SLC36A4: variants seen among roughly 807,000 people sequenced by gnomAD.
SLC36A4 encodes solute carrier family 36 member 4.
A neutral mutation model predicts 50.5 loss-of-function variants in SLC36A4; 49 were observed. The ratio of observed to expected loss-of-function variants is 0.97; its 90% CI spans 0.77 to 1.23. The LOEUF (loss-of-function observed/expected upper bound fraction) is 1.23, where lower values mean the gene tolerates loss of function less well. Ranked by LOEUF, SLC36A4 falls within the 50% of genes most tolerant of loss-of-function variation. The probability of loss-of-function intolerance (pLI) is 0.00; values close to 1 mark genes in which losing one functional copy is unlikely to be tolerated. For synonymous variants in SLC36A4, 207 were observed against 206.5 expected, an observed-to-expected ratio of 1.00 and a Z score of -0.02; for missense variants, 611 against 608.4, an observed-to-expected ratio of 1.00 and a Z score of -0.05.
Position 93,147,475 on chromosome 11 carries a change from A to C in SLC36A4, c.*1062T>G, listed in dbSNP as rs959748809. 7 of 152,112 alleles carry C rather than the reference A, an allele frequency of 4.6e-5. No homozygotes were observed. Among genetic ancestry groups the C allele is most frequent in the African/African-American group, 1.7e-4 (7 of 41,440 alleles). 9.4% of individuals were successfully genotyped at this position (152,112 alleles called of 1,614,324 possible). ...CAAGCCACAAATAGTATAGCTAGAC[A>C]CACATCTTACTAGCCAGGAGTTTCA... On this transcript the variant is annotated 3_prime_UTR_variant, in exon 11 of 11. Transcript: ENST00000326402.
Position 93,197,905 on chromosome 11 carries a change from A to G in SLC36A4, c.-73T>C. ...CCGCTGCGTGGCCGGCGTCAGGCCC[A>G]GGCCTACCTCCCCTGCCCGGAGGGA... On this transcript the variant is annotated 5_prime_UTR_variant, in exon 1 of 11. Transcript: ENST00000326402. 4 of 1,430,414 alleles carry G rather than the reference A, an allele frequency of 2.8e-6. No individual in the cohort carries two copies. The highest frequency in any genetic ancestry group is 2.4e-4 in the Middle Eastern group (1 of 4,106). 88.6% of individuals were successfully genotyped at this position (1,430,414 alleles called of 1,614,324 possible). A position where few individuals can be genotyped will look rare whatever the true frequency, so the allele number is the denominator to read the frequency against.
In SLC36A4 at chr11:93,148,724, T is replaced by A. The variant is rs199667435; in HGVS notation, c.1328A>T (p.Glu443Val). The change falls in exon 11 of 11, where the codon GAA becomes GTA. Residue 443 changes from glutamate to valine, a missense_variant. Physicochemically the swap from Glu to Val is moderately radical, Grantham distance 121. Transcript: ENST00000326402. ...CAGGACCATCCATATATTATAATGT[T>A]CCTTCGAAAATGTAAGAATTTCAAC... ...PLVEILTFSK[E>V]HYNIWMVLKN... 21 of 1,612,964 alleles carry A rather than the reference T, an allele frequency of 1.3e-5. No individual in the cohort carries two copies. The East Asian group carries it at 4.7e-4, about 36-fold the overall frequency.
intron 7 of SLC36A4, chr11:93,166,222 C>T: frequency 1.5e-6 from 2 of 1,315,450 alleles, no homozygotes; most frequent in Non-Finnish European, 1.9e-6. Flanking sequence ...AATTGTTTCC[C>T]TCATGCCCAT....
chr11:93,162,954 G>T, intron 8 of SLC36A4, 79 bp from the exon 9 acceptor site: 1 of 1,374,902 alleles, frequency 7.3e-7, no homozygotes. Context: ...CATACAAATT[G>T]GTTGTTTATA....
At chr11:93,162,247 T>A (rs1023149863) in intron 9 of SLC36A4, among the ~76,000 whole-genome samples, 2 of 152,268 alleles carry the variant, frequency 1.3e-5, no homozygotes, top group African/African-American at 4.8e-5. Flanking sequence ...CCTAAGTTCA[T>A]ATTTGGTCTC....
rs1473036607 is a variant in SLC36A4 at position 93,168,130 on chromosome 11, A to G, written c.582T>C (p.Asn194=). 6.2e-7 allele frequency: 1 copy of G among 1,612,146 alleles called. No individual in the cohort carries two copies. Among genetic ancestry groups the G allele is most frequent in the Admixed American group, 1.7e-5 (1 of 59,834 alleles). The part of the protein sequence containing the change: ...GFLESKVFIS[N]STNSSNPCER... Reference sequence around the variant, plus strand: ...CACAAGGGTTTGATGAATTGGTACTATTTGAAATAAACACTTTACTCTCCA... The same window carrying G: ...CACAAGGGTTTGATGAATTGGTACTGTTTGAAATAAACACTTTACTCTCCA... The change falls in exon 7 of 11, where the codon AAT becomes AAC. Residue 194 remains asparagine (N), a synonymous_variant. Transcript: ENST00000326402.
At chr11:93,151,133 A>G (rs756138141) in intron 10 of SLC36A4, among the ~76,000 whole-genome samples, 1 of 152,040 alleles carries the variant, frequency 6.6e-6, no homozygotes, top group Non-Finnish European at 1.5e-5. Flanking sequence ...GAAATATGCT[A>G]TTGGTAATGT....
intron 6 of SLC36A4, among the ~76,000 whole-genome samples, chr11:93,175,055 C>T (rs1357215969): frequency 1.3e-5 from 2 of 151,630 alleles, no homozygotes; most frequent in East Asian, 1.9e-4. Context: ...TGGTAGAATT[C>T]GGCTGTGAAT....
intron 6 of SLC36A4, 115 bp downstream of exon 6, chr11:93,180,682 C>A: frequency 1.3e-6 from 1 of 756,268 alleles, no homozygotes; most frequent in African/African-American, 1.8e-5. Flanking sequence ...AAAGGAAGAT[C>A]ATTTATGAAA....
chr11:93,178,078 G>A (rs189775834), intron 6 of SLC36A4, among the ~76,000 whole-genome samples: 2 of 152,276 alleles, frequency 1.3e-5, no homozygotes, highest in South Asian at 2.1e-4. Context: ...AATGGCGGAC[G>A]CCCCTCCACC....
At chr11:93,171,005 AGT>A (rs889661819) in intron 6 of SLC36A4, 14 of 152,070 alleles carry the variant, frequency 9.2e-5, no homozygotes, top group African/African-American at 3.1e-4. Context: ...TTAATCAACT[AGT>A]GTGTCTACTA....
intron 8 of SLC36A4, among the ~76,000 whole-genome samples, chr11:93,164,075 T>C (rs563299454): frequency 1.3e-5 from 2 of 152,254 alleles, no homozygotes; most frequent in South Asian, 4.1e-4. Context: ...TCTTGTAGAA[T>C]GGTAATTAGA....
chr11:93,180,107 G>C, intron 6 of SLC36A4: 2 of 949,526 alleles, frequency 2.1e-6, no homozygotes, highest in Non-Finnish European at 2.5e-6. Context: ...TGGACATGTG[G>C]ATAATTAATA....
intron 1 of SLC36A4, 125 bp downstream of exon 1, chr11:93,197,653 G>T: frequency 9.6e-7 from 1 of 1,043,096 alleles, no homozygotes; most frequent in Non-Finnish European, 1.4e-6. Context: ...TGACCACGGG[G>T]TCAGTTAGCA....
chr11:93,197,028 A>G (rs1020634560), intron 1 of SLC36A4, among the ~76,000 whole-genome samples: 2 of 152,242 alleles, frequency 1.3e-5, no homozygotes, highest in South Asian at 2.1e-4. Flanking sequence ...ACAACAACCT[A>G]TCAGTTACTT....
chr11:93,155,046 G>A (rs1003062692), intron 9 of SLC36A4: 1 of 151,936 alleles, frequency 6.6e-6, no homozygotes, highest in Non-Finnish European at 1.5e-5. Flanking sequence ...CTTAAGCCCA[G>A]AAAAAGAAGA....
At chr11:93,160,318 T>C in intron 9 of SLC36A4, 1 of 985,472 alleles carries the variant, frequency 1.0e-6, no homozygotes, top group Non-Finnish European at 1.2e-6. Context: ...CTGGCTTTCC[T>C]GTTTTTTCCA....
Position 93,154,204 on chromosome 11 carries a change from CTGGAACATAGA to C in SLC36A4, c.1100_1110del (p.Phe367CysfsTer15). On this transcript the variant is annotated frameshift_variant, in exon 10 of 11. Coordinates refer to ENST00000326402, the MANE Select transcript of SLC36A4 (RefSeq NM_152313.4). LOFTEE classifies it high-confidence loss of function. ...GTGATCCCAGGGATAATGATCTCTG[CTGGAACATAGA>C]ACTGAATTGAATATGTCACAAAAAT... is the stretch of plus-strand genomic sequence containing the variant. The C allele has an allele frequency of 6.4e-7, 1 of 1,558,148 alleles. No individual in the cohort carries two copies. Among genetic ancestry groups the C allele is most frequent in the Admixed American group, 1.9e-5 (1 of 51,916 alleles).
chr11:93,177,851 T>C (rs1246451497), intron 6 of SLC36A4, among the ~76,000 whole-genome samples: 2 of 152,182 alleles, frequency 1.3e-5, no homozygotes, highest in South Asian at 2.1e-4. Context: ...GTCTGTCCGT[T>C]CTCAGATCTC....
Sources: allele counts gnomAD v4.1 joint callset (sites outside exome capture counted in the v4.1 genomes callset), GRCh38; gene constraint gnomAD v4.1.1; transcripts MANE v1.5; gene names NCBI Gene and HGNC (gene_info 2026-07-23, HGNC 2026-07-21).